The following UNC5D variants were observed in gnomAD, a reference collection of about 807,000 sequenced individuals.
UNC5D encodes the protein unc-5 netrin receptor D.
UNC5D carries 39 observed loss-of-function variants against 105.4 expected under a neutral mutation model. The ratio of observed to expected loss-of-function variants is 0.37; its 90% CI spans 0.29 to 0.48. The LOEUF (loss-of-function observed/expected upper bound fraction) is 0.48, where lower values mean the gene tolerates loss of function less well. Ranked by LOEUF, UNC5D falls within the 20% of genes least tolerant of loss-of-function variation. The pLI, the probability that UNC5D is intolerant of heterozygous loss-of-function variation, is 0.98. For missense variants in UNC5D, 991 were observed against 1,202.4 expected (o/e 0.82, Z 2.60); for synonymous variants, 452 against 450.4 (o/e 1.00, Z -0.04).
chr8:35,726,347 A>C lies in UNC5D; in HGVS notation c.1499A>C (p.Glu500Ala), dbSNP rs1164995742. 1 of 1,614,158 alleles carries C rather than the reference A, an allele frequency of 6.2e-7. No homozygotes were observed. Among genetic ancestry groups the C allele is most frequent in the South Asian group, 1.1e-5 (1 of 91,080 alleles). The change falls in exon 10 of 17, where the codon GAG becomes GCG. Residue 500 changes from glutamate (E) to alanine (A), a missense_variant. By Grantham distance (107) the Glu-to-Ala change is moderately radical. Transcript: ENST00000404895. Reference sequence around the variant, plus strand: ...TCCCTGGGAGTGTCTGAGAGAGCTGAGTACCACGGCAAGAATCATTCCAGG... The same window carrying C: ...TCCCTGGGAGTGTCTGAGAGAGCTGCGTACCACGGCAAGAATCATTCCAGG... ...MVSLGVSERA[E>A]YHGKNHSRTF...
intron 1 of UNC5D, among the ~76,000 whole-genome samples, chr8:35,494,032 A>C (rs2130142208): frequency 6.6e-6 from 1 of 152,286 alleles, no homozygotes; most frequent in East Asian, 1.9e-4. Flanking sequence ...GTTCTATTTA[A>C]TACAGTAGAT....
intron 1 of UNC5D, among the ~76,000 whole-genome samples, chr8:35,329,734 C>T (rs1346378065): frequency 5.3e-5 from 8 of 152,142 alleles, no homozygotes; most frequent in Non-Finnish European, 1.0e-4. Flanking sequence ...AGGCCCTCAA[C>T]CTAACCAGAG....
chr8:35,739,507 C>T (rs1205943182), intron 11 of UNC5D, among the ~76,000 whole-genome samples: 2 of 152,108 alleles, frequency 1.3e-5, no homozygotes, highest in Non-Finnish European at 2.9e-5. Context: ...CATTTGAAGA[C>T]CATGGACACT....
intron 1 of UNC5D, among the ~76,000 whole-genome samples, chr8:35,431,648 T>A (rs1806644431): frequency 1.4e-5 from 2 of 148,034 alleles, no homozygotes; most frequent in Admixed American, 6.6e-5. Context: ...AACACTTATT[T>A]TATTTAGAAT....
chr8:35,364,528 TTTATTACAGAA>T (rs779596741), intron 1 of UNC5D, among the ~76,000 whole-genome samples: 17 of 152,176 alleles, frequency 1.1e-4, no homozygotes, highest in Admixed American at 3.3e-4. Flanking sequence ...CCTGGTTGCT[TTTATTACAGAA>T]TAGTATTTGG....
chr8:35,287,475 T>C (rs1225300811), intron 1 of UNC5D, among the ~76,000 whole-genome samples: 1 of 151,988 alleles, frequency 6.6e-6, no homozygotes, highest in Admixed American at 6.6e-5. Flanking sequence ...AAGGATATAA[T>C]AACTGAACCC....
chr8:35,699,763 T>TAACC (rs1481017172), intron 7 of UNC5D, among the ~76,000 whole-genome samples: 1 of 152,146 alleles, frequency 6.6e-6, no homozygotes, highest in African/African-American at 2.4e-5. Flanking sequence ...AGAACTGAAC[T>TAACC]AACCTAGTAC....
intron 2 of UNC5D, among the ~76,000 whole-genome samples, chr8:35,549,872 C>T (rs1227405794): frequency 6.6e-6 from 1 of 151,790 alleles, no homozygotes. Context: ...CCTTGTTAAG[C>T]AGCATGATTT....
chr8:35,430,452 G>T (rs549145962), intron 1 of UNC5D, among the ~76,000 whole-genome samples: 55 of 152,206 alleles, frequency 3.6e-4, no homozygotes, highest in African/African-American at 1.3e-3. Context: ...AGTTCTGTGA[G>T]CTGCTCTAGC....
intron 13 of UNC5D, among the ~76,000 whole-genome samples, 172 bp downstream of exon 13, chr8:35,750,981 G>A (rs547886962): frequency 3.4e-4 from 52 of 152,254 alleles, no homozygotes; most frequent in African/African-American, 1.2e-3. Flanking sequence ...AATTTATCAA[G>A]ACAGAGGAAT....
intron 1 of UNC5D, among the ~76,000 whole-genome samples, chr8:35,417,952 A>G (rs1805633674): frequency 2.6e-5 from 4 of 152,160 alleles, no homozygotes. Flanking sequence ...TCCGATTTCC[A>G]GATTTTAACT....
intron 8 of UNC5D, among the ~76,000 whole-genome samples, chr8:35,719,252 C>T (rs767857456): frequency 1.3e-4 from 19 of 151,666 alleles, no homozygotes; most frequent in Non-Finnish European, 2.8e-4. Context: ...GGGGCCAGTA[C>T]TGAACACATG....
At chr8:35,731,983 A>C (rs1017128380) in intron 11 of UNC5D, among the ~76,000 whole-genome samples, 5 of 152,146 alleles carry the variant, frequency 3.3e-5, no homozygotes, top group African/African-American at 1.2e-4. Context: ...TTCTTAGTGC[A>C]AGTATAATAT....
At chr8:35,706,008 T>C (rs373648254) in intron 8 of UNC5D, 47 bp downstream of exon 8, 66 of 1,220,596 alleles carry the variant, frequency 5.4e-5, no homozygotes, top group Non-Finnish European at 7.2e-5. Context: ...TCATATTTGC[T>C]GCCTTGCTGT....
At chr8:35,588,785 A>T (rs1232895673) in intron 3 of UNC5D, among the ~76,000 whole-genome samples, 4 of 152,196 alleles carry the variant, frequency 2.6e-5, no homozygotes, top group Admixed American at 2.0e-4. Context: ...TCATGACTGT[A>T]ATCCCAGCAC....
At chr8:35,572,147 G>T (rs1817768668) in intron 3 of UNC5D, among the ~76,000 whole-genome samples, 1 of 151,868 alleles carries the variant, frequency 6.6e-6, no homozygotes, top group Non-Finnish European at 1.5e-5. Context: ...AATTAGGCAG[G>T]CACAGTGGCA....
At chr8:35,774,255 G>C (rs1802136915) in intron 15 of UNC5D, 44 bp from the exon 16 acceptor site, 3 of 1,608,114 alleles carry the variant, frequency 1.9e-6, no homozygotes, top group Non-Finnish European at 2.6e-6. Context: ...GGTCAGGACT[G>C]CTTTCAGATA....
intron 16 of UNC5D, among the ~76,000 whole-genome samples, chr8:35,781,440 T>G (rs1164176806): frequency 1.3e-5 from 2 of 152,118 alleles, no homozygotes; most frequent in East Asian, 1.9e-4. Flanking sequence ...GCAGTGGGTG[T>G]GTGTGTGCTA....
At chr8:35,703,664 T>C (rs984177091) in intron 7 of UNC5D, among the ~76,000 whole-genome samples, 2 of 152,252 alleles carry the variant, frequency 1.3e-5, no homozygotes, top group South Asian at 4.1e-4. Context: ...TTCTGTGGCA[T>C]AGTTATATAT....
Sources: gnomAD v4.1 joint callset for allele counts (sites outside exome capture counted in the v4.1 genomes callset) on GRCh38, gnomAD v4.1.1 for gene constraint, MANE v1.5 for transcripts, NCBI Gene and HGNC (gene_info 2026-07-23, HGNC 2026-07-21) for gene names.